Variants in EPHA6 observed in about 807,000 individuals in gnomAD.
EPHA6 encodes the protein ephrin type-A receptor 6.
A neutral mutation model predicts 112.0 loss-of-function variants in EPHA6; 50 were observed. That is an observed-to-expected ratio of 0.45 (90% CI 0.36 to 0.56). The LOEUF (loss-of-function observed/expected upper bound fraction) is 0.56, where lower values mean the gene tolerates loss of function less well. Ranked by LOEUF, EPHA6 falls within the 20% of genes least tolerant of loss-of-function variation. The pLI is 0.00. For missense variants in EPHA6, 1,280 were observed against 1,417.4 expected (o/e 0.90, Z 1.56); for synonymous variants, 529 against 490.7 (o/e 1.08, Z -1.03).
intron 13 of EPHA6, among the ~76,000 whole-genome samples, chr3:97,620,571 G>GA (rs1438764978): frequency 6.6e-6 from 1 of 151,752 alleles, no homozygotes; most frequent in Non-Finnish European, 1.5e-5. Flanking sequence ...AAATTTACAA[G>GA]AAAAAAGCAA....
chr3:97,637,955 T>G lies in EPHA6; in HGVS notation c.2657T>G (p.Met886Arg). The G allele has an allele frequency of 6.2e-7, 1 of 1,613,928 alleles. No individual in the cohort carries two copies. The highest frequency in any genetic ancestry group is 8.5e-7 in the Non-Finnish European group (1 of 1,179,802). The change falls in exon 14 of 18, where the codon ATG (methionine) becomes AGG (arginine). Residue 886 changes from methionine (M) to arginine (R), a missense_variant. Physicochemically the swap from Met to Arg is moderately conservative, Grantham distance 91. Transcript: ENST00000389672. ...IASGMKYLSD[M>R]GYVHRDLAAR... is the part of the protein sequence containing the mutation. ...TCAGGCATGAAGTATCTTTCTGATA[T>G]GGGTTATGTTCATCGAGACCTAGCG...
rs1373471447 is a variant in EPHA6 at position 96,980,659 on chromosome 3, T to C, written c.451-6671T>C. On this transcript the variant is annotated intron_variant, in intron 2 of 17. Coordinates refer to ENST00000389672, the MANE Select transcript of EPHA6 (RefSeq NM_001080448.3). ...ACCTTGGGCAGTATGGCCATTTTCA[T>C]GATATTGATTCTTCCTACCCATGAG... 3.3e-5 allele frequency among the ~76,000 whole-genome samples: 5 copies of C among 151,980 alleles called. No homozygotes were observed. The East Asian group carries it at 5.8e-4, about 18-fold the overall frequency.
At chr3:96,849,802 G>T (rs188244600) in intron 1 of EPHA6, among the ~76,000 whole-genome samples, 1 of 152,208 alleles carries the variant, frequency 6.6e-6, no homozygotes, top group Admixed American at 6.5e-5. Flanking sequence ...CAACTGGTAA[G>T]GTGGGATTTG....
At chr3:97,637,328 G>C (rs2093955446) in intron 13 of EPHA6, among the ~76,000 whole-genome samples, 1 of 151,894 alleles carries the variant, frequency 6.6e-6, no homozygotes, top group Non-Finnish European at 1.5e-5. Flanking sequence ...GTTTGCTTGT[G>C]CTTTTTTTCA....
intron 3 of EPHA6, among the ~76,000 whole-genome samples, chr3:97,085,197 G>T (rs989675516): frequency 1.3e-5 from 2 of 151,936 alleles, no homozygotes; most frequent in Non-Finnish European, 2.9e-5. Flanking sequence ...TTATCAGAAG[G>T]TACCTTATAC....
chr3:96,828,544 G>A (rs564277566), intron 1 of EPHA6, among the ~76,000 whole-genome samples: 2 of 152,070 alleles, frequency 1.3e-5, no homozygotes, highest in South Asian at 2.1e-4. Flanking sequence ...CTCCACCTTT[G>A]TTTTTATGAG....
intron 14 of EPHA6, among the ~76,000 whole-genome samples, chr3:97,694,537 T>G (rs2032902585): frequency 6.6e-6 from 1 of 152,178 alleles, no homozygotes; most frequent in Non-Finnish European, 1.5e-5. Context: ...GCGCCCAGCC[T>G]GTGAGTCCCT....
At chr3:97,630,782 G>A (rs924673835) in intron 13 of EPHA6, among the ~76,000 whole-genome samples, 1 of 151,882 alleles carries the variant, frequency 6.6e-6, no homozygotes, top group Non-Finnish European at 1.5e-5. Context: ...GACTTGCCCC[G>A]GGCAAAAATT....
intron 3 of EPHA6, among the ~76,000 whole-genome samples, chr3:97,173,995 TA>T (rs1462199589): frequency 2.6e-5 from 4 of 151,542 alleles, no homozygotes; most frequent in South Asian, 2.1e-4. Context: ...CTATTTTTTT[TA>T]CCCATTAACC....
intron 3 of EPHA6, among the ~76,000 whole-genome samples, chr3:97,099,969 G>C (rs938017835): frequency 6.6e-6 from 1 of 151,892 alleles, no homozygotes; most frequent in African/African-American, 2.4e-5. Context: ...ATTGGAAGTT[G>C]GAGAAAATTA....
intron 3 of EPHA6, among the ~76,000 whole-genome samples, chr3:97,074,003 A>T (rs985726839): frequency 1.3e-5 from 2 of 151,872 alleles, no homozygotes; most frequent in Non-Finnish European, 2.9e-5. Context: ...CATACCCTTT[A>T]TTCATTTGCC....
At chr3:97,603,749 T>G (rs966621055) in intron 12 of EPHA6, among the ~76,000 whole-genome samples, 2 of 151,928 alleles carry the variant, frequency 1.3e-5, no homozygotes, top group African/African-American at 2.4e-5. Flanking sequence ...TTATTTAAAA[T>G]AGGAAAATAC....
At chr3:97,617,327 T>G (rs777403924) in intron 13 of EPHA6, among the ~76,000 whole-genome samples, 1 of 151,860 alleles carries the variant, frequency 6.6e-6, no homozygotes, top group Non-Finnish European at 1.5e-5. Flanking sequence ...AAAAACACAA[T>G]GAAGTACACA....
At chr3:96,818,218 C>T (rs2032958873) in intron 1 of EPHA6, among the ~76,000 whole-genome samples, 1 of 151,860 alleles carries the variant, frequency 6.6e-6, no homozygotes, top group Admixed American at 6.6e-5. Context: ...ATAAGTTAAC[C>T]ATTTACCGTG....
intron 5 of EPHA6, among the ~76,000 whole-genome samples, chr3:97,306,428 A>ACC (rs1257087999): frequency 6.6e-6 from 1 of 151,464 alleles, no homozygotes; most frequent in Admixed American, 6.6e-5. Flanking sequence ...CTCTGGGAAG[A>ACC]CCCCAGCAGG....
intron 14 of EPHA6, among the ~76,000 whole-genome samples, chr3:97,653,128 C>T (rs1450285739): frequency 6.6e-6 from 1 of 151,636 alleles, no homozygotes; most frequent in Non-Finnish European, 1.5e-5. Context: ...GATAAAAGTG[C>T]TTAGGGTCTC....
At chr3:97,663,099 A>G (rs1429324814) in intron 14 of EPHA6, among the ~76,000 whole-genome samples, 1 of 152,210 alleles carries the variant, frequency 6.6e-6, no homozygotes, top group Non-Finnish European at 1.5e-5. Flanking sequence ...AAAGAAATAC[A>G]TGAGAATGAC....
intron 12 of EPHA6, among the ~76,000 whole-genome samples, chr3:97,605,446 T>A (rs906721963): frequency 2.6e-5 from 4 of 151,654 alleles, no homozygotes; most frequent in African/African-American, 4.8e-5. Flanking sequence ...AAAGTAGGAG[T>A]CCAGTTTCAT....
chr3:97,445,253 C>T (rs1027596624), intron 6 of EPHA6, among the ~76,000 whole-genome samples: 1 of 152,104 alleles, frequency 6.6e-6, no homozygotes, highest in Non-Finnish European at 1.5e-5. Context: ...GATTCACTTT[C>T]AGCCGACAAG....
Sources: gnomAD v4.1 joint callset for allele counts (sites outside exome capture counted in the v4.1 genomes callset) on GRCh38, gnomAD v4.1.1 for gene constraint, MANE v1.5 for transcripts, NCBI Gene and HGNC (gene_info 2026-07-23, HGNC 2026-07-21) for gene names.